OSBPL1A: variants seen among roughly 807,000 people sequenced by gnomAD.
OSBPL1A encodes the protein oxysterol binding protein like 1A.
In OSBPL1A, 80 loss-of-function variants were observed where a neutral mutation model predicts 137.1. The ratio of observed to expected loss-of-function variants is 0.58; its 90% CI spans 0.49 to 0.70. The LOEUF (loss-of-function observed/expected upper bound fraction) is 0.70. Among genes scored for constraint, OSBPL1A ranks in the 30% least tolerant of loss-of-function variants. The pLI, the probability that OSBPL1A is intolerant of heterozygous loss-of-function variation, is 0.00. For missense variants in OSBPL1A, 970 were observed against 1,129.4 expected, an observed-to-expected ratio of 0.86 and a Z score of 2.02; for synonymous variants, 365 against 389.7, an observed-to-expected ratio of 0.94 and a Z score of 0.75.
intron 17 of OSBPL1A, among the ~76,000 whole-genome samples, chr18:24,205,605 T>A (rs2087345628): frequency 6.6e-6 from 1 of 152,136 alleles, no homozygotes; most frequent in South Asian, 2.1e-4. Flanking sequence ...ACCTTCAACA[T>A]GAAGTAGAGA....
At chr18:24,256,826 G>GA (rs1045128021) in intron 15 of OSBPL1A, among the ~76,000 whole-genome samples, 5 of 151,654 alleles carry the variant, frequency 3.3e-5, no homozygotes, top group Non-Finnish European at 7.4e-5. Flanking sequence ...GTGAATATCT[G>GA]AAAAAGAAAC....
intron 21 of OSBPL1A, among the ~76,000 whole-genome samples, chr18:24,173,804 G>A (rs1420496820): frequency 6.6e-6 from 1 of 152,124 alleles, no homozygotes; most frequent in East Asian, 1.9e-4. Flanking sequence ...ACAGATCTGT[G>A]TAACCACCAC....
chr18:24,256,857 C>A, intron 15 of OSBPL1A, among the ~76,000 whole-genome samples: 1 of 142,700 alleles, frequency 7.0e-6, no homozygotes, highest in Middle Eastern at 3.8e-3. Context: ...ATCCCATTTA[C>A]AATAGCCACA....
intron 2 of OSBPL1A, among the ~76,000 whole-genome samples, chr18:24,369,358 C>CACT (rs1189311472): frequency 6.6e-6 from 1 of 152,118 alleles, no homozygotes; most frequent in Non-Finnish European, 1.5e-5. Context: ...ATATTCAGAG[C>CACT]ACTATTTAGA....
intron 14 of OSBPL1A, among the ~76,000 whole-genome samples, chr18:24,294,124 G>A (rs2090243811): frequency 6.6e-6 from 1 of 151,826 alleles, no homozygotes; most frequent in South Asian, 2.1e-4. Flanking sequence ...GGGAATAGGT[G>A]GTGTTTGGTT....
In OSBPL1A at chr18:24,302,992, T is replaced by TGG. The variant is rs369024643; in HGVS notation, c.1174+644_1174+645insCC. 6.0e-3 allele frequency among the ~76,000 whole-genome samples: 915 copies of TGG among 151,714 alleles called. 15 individuals carry two copies. The highest frequency in any genetic ancestry group is 0.058 in the Middle Eastern group (17 of 294). Reference sequence around the variant, plus strand: ...AAGACATTCTTTGTGTGTGTGTGTGTGTGGGTGTGTCTGTGTGTGTGAGAG... The same window carrying TGG: ...AAGACATTCTTTGTGTGTGTGTGTGTGGGTGGGTGTGTCTGTGTGTGTGAGAG... On this transcript the variant is annotated intron_variant, in intron 14 of 27. Transcript: ENST00000319481.
chr18:24,337,061 T>C (rs868820407), intron 5 of OSBPL1A, among the ~76,000 whole-genome samples: 2 of 152,324 alleles, frequency 1.3e-5, no homozygotes, highest in South Asian at 4.1e-4. Context: ...TGCCTCCTAA[T>C]AGGATGCACT....
intron 11 of OSBPL1A, among the ~76,000 whole-genome samples, chr18:24,316,626 G>A (rs1028154301): frequency 2.0e-5 from 3 of 152,150 alleles, no homozygotes; most frequent in Non-Finnish European, 4.4e-5. Flanking sequence ...TCATAAGTAT[G>A]TTATCAATAA....
intron 15 of OSBPL1A, among the ~76,000 whole-genome samples, chr18:24,252,866 ATGTT>A (rs1460360587): frequency 6.6e-6 from 1 of 152,132 alleles, no homozygotes; most frequent in African/African-American, 2.4e-5. Context: ...TTCTTTTTGC[ATGTT>A]TGTTTATGCA....
At chr18:24,203,702 G>T (rs1045799109) in intron 17 of OSBPL1A, among the ~76,000 whole-genome samples, 1 of 152,076 alleles carries the variant, frequency 6.6e-6, no homozygotes, top group Admixed American at 6.6e-5. Flanking sequence ...CTATTTTTCT[G>T]TGCTTTTCCA....
intron 7 of OSBPL1A, 40 bp downstream of exon 7, chr18:24,332,902 T>C (rs973934355): frequency 1.2e-6 from 2 of 1,602,936 alleles, no homozygotes; most frequent in South Asian, 1.1e-5. Context: ...CATTTTATAA[T>C]TTCAAAATGG....
intron 17 of OSBPL1A, among the ~76,000 whole-genome samples, chr18:24,217,579 T>C (rs965117399): frequency 1.3e-5 from 2 of 152,062 alleles, no homozygotes; most frequent in African/African-American, 2.4e-5. Context: ...TTATAGATTT[T>C]CAGCTAATAA....
chr18:24,190,770 C>T (rs1203640284), intron 18 of OSBPL1A, among the ~76,000 whole-genome samples: 1 of 152,214 alleles, frequency 6.6e-6, no homozygotes, highest in Non-Finnish European at 1.5e-5. Flanking sequence ...AGTTGGAATG[C>T]AAGAATAGCA....
intron 17 of OSBPL1A, among the ~76,000 whole-genome samples, chr18:24,201,826 A>G (rs1459987371): frequency 1.3e-5 from 2 of 151,908 alleles, no homozygotes; most frequent in Non-Finnish European, 2.9e-5. Context: ...ACCTAACTGC[A>G]CAGATCTCCT....
chr18:24,271,783 G>A lies in OSBPL1A; in HGVS notation c.1281+9059C>T. The A allele has an allele frequency of 1.0e-6, 1 of 985,474 alleles. No individual in the cohort carries two copies. The highest frequency in any genetic ancestry group is 1.2e-6 in the Non-Finnish European group (1 of 830,012). The allele number at this position is 985,474 out of a possible 1,614,324, so 61.0% of individuals were successfully genotyped here. ...AGGGCGGCCCGCAAGGTCTCCCTAA[G>A]TCACCTTTGCGCAGCCTGCCCCTGG... On this transcript the variant is annotated intron_variant, in intron 15 of 27. Transcript: ENST00000319481. This position sits in a 1 kb window ranked among gnomAD's most constrained non-coding sequence, Gnocchi z 4.0.
chr18:24,380,780 C>G (rs928432143), intron 1 of OSBPL1A, among the ~76,000 whole-genome samples: 3 of 151,934 alleles, frequency 2.0e-5, no homozygotes, highest in African/African-American at 7.2e-5. Context: ...GGTGAAACCC[C>G]GTCTCTACTA....
chr18:24,175,119 T>TATATATATATATATACAC (rs2086405321), intron 21 of OSBPL1A, among the ~76,000 whole-genome samples: 1 of 128,538 alleles, frequency 7.8e-6, no homozygotes, highest in African/African-American at 3.5e-5. Flanking sequence ...TATATATATA[T>TATATATATATATATACAC]ATATATATAT....
At chr18:24,268,273 AC>A (rs2089631439) in intron 15 of OSBPL1A, among the ~76,000 whole-genome samples, 1 of 151,816 alleles carries the variant, frequency 6.6e-6, no homozygotes, top group Non-Finnish European at 1.5e-5. Context: ...ACACCACCAC[AC>A]CCAGCTAATT....
intron 4 of OSBPL1A, among the ~76,000 whole-genome samples, chr18:24,343,923 G>A (rs1291786220): frequency 2.0e-5 from 3 of 152,076 alleles, no homozygotes; most frequent in African/African-American, 7.2e-5. Context: ...TCTTGGATAT[G>A]ACACCAAAAG....
Sources: allele counts gnomAD v4.1 joint callset (sites outside exome capture counted in the v4.1 genomes callset), GRCh38; gene constraint gnomAD v4.1.1; non-coding constraint Gnocchi (gnomAD v3.1); transcripts MANE v1.5; gene names NCBI Gene and HGNC (gene_info 2026-07-23, HGNC 2026-07-21).